TSHZ2: variants seen among roughly 807,000 people sequenced by gnomAD.
TSHZ2 encodes the protein teashirt zinc finger homeobox 2.
A neutral mutation model predicts 74.4 loss-of-function variants in TSHZ2; 21 were observed. That is an observed-to-expected ratio of 0.28 (90% CI 0.20 to 0.41). The LOEUF is 0.41. TSHZ2 is among the 10% of genes least tolerant of loss of function. The pLI is 1.00. For synonymous variants in TSHZ2, 540 were observed against 515.3 expected (o/e 1.05, Z -0.65); for missense variants, 1,244 against 1,293.5 (o/e 0.96, Z 0.59).
chr20:53,483,795 C>A (rs555252080), intron 2 of TSHZ2, among the ~76,000 whole-genome samples: 2 of 152,292 alleles, frequency 1.3e-5, no homozygotes, highest in East Asian at 3.9e-4. Context: ...TCATTATTTT[C>A]TTTCTCCTTA....
chr20:53,222,914 T>C (rs1989596673), intron 1 of TSHZ2, among the ~76,000 whole-genome samples: 1 of 152,224 alleles, frequency 6.6e-6, no homozygotes, highest in East Asian at 1.9e-4. Context: ...ACCCTTCATA[T>C]CTAGAGTTGC....
chr20:53,066,821 G>A (rs184169153), intron 1 of TSHZ2, among the ~76,000 whole-genome samples: 43 of 152,192 alleles, frequency 2.8e-4, no homozygotes, highest in Admixed American at 2.0e-3. Flanking sequence ...TAAATGCTAG[G>A]ATGTCTCCTT....
chr20:53,466,017 G>T (rs1246995874), intron 2 of TSHZ2, among the ~76,000 whole-genome samples: 1 of 150,542 alleles, frequency 6.6e-6, no homozygotes, highest in Non-Finnish European at 1.5e-5. Context: ...GGGGCCCAAG[G>T]CAGGTGAATC....
chr20:53,102,557 G>A (rs969247488), intron 1 of TSHZ2, among the ~76,000 whole-genome samples: 3 of 152,060 alleles, frequency 2.0e-5, no homozygotes, highest in East Asian at 3.9e-4. Flanking sequence ...AAAGAGTGAA[G>A]GGTGCAATTT....
intron 2 of TSHZ2, among the ~76,000 whole-genome samples, chr20:53,302,017 C>G (rs1978336020): frequency 6.6e-6 from 1 of 152,158 alleles, no homozygotes; most frequent in African/African-American, 2.4e-5. Context: ...GAGTGGTTAC[C>G]ATAGCGATTT....
At chr20:53,037,004 G>A (rs1482683497) in intron 1 of TSHZ2, among the ~76,000 whole-genome samples, 1 of 151,882 alleles carries the variant, frequency 6.6e-6, no homozygotes, top group Admixed American at 6.6e-5. Flanking sequence ...TGATAGTATT[G>A]TATTTAATTA....
chr20:53,210,394 C>G (rs1388046216), intron 1 of TSHZ2, among the ~76,000 whole-genome samples: 1 of 152,106 alleles, frequency 6.6e-6, no homozygotes, highest in Non-Finnish European at 1.5e-5. Context: ...GTGGAGGTGG[C>G]TCTCAGTGGG....
chr20:53,460,895 C>T (rs185549709), intron 2 of TSHZ2, among the ~76,000 whole-genome samples: 57 of 152,310 alleles, frequency 3.7e-4, no homozygotes, highest in African/African-American at 7.7e-4. Context: ...GCAATCTGCC[C>T]GTTCTCAGAT....
rs117196902 is a variant in TSHZ2, at chr20:52,990,644, G to A, written c.40+17311G>A. Among the ~76,000 whole-genome samples the A allele has an allele frequency of 7.9e-3, 1,207 of 152,200 alleles. 5 individuals are homozygous for A. Among genetic ancestry groups the A allele is most frequent in the Non-Finnish European group, 0.013 (914 of 68,012 alleles). ...CGGGTCAGGGAAGGAAGAGCCCCCC[G>A]GATTTTGTGTTACAAGATGAATTGT... On this transcript the variant is annotated intron_variant, in intron 1 of 2. Transcript: ENST00000371497.
At chr20:53,166,011 C>T (rs186248523) in intron 1 of TSHZ2, among the ~76,000 whole-genome samples, 48 of 152,240 alleles carry the variant, frequency 3.2e-4, no homozygotes, top group African/African-American at 1.0e-3. Context: ...TTAGTTGTCC[C>T]GTTCCCAAAT....
At chr20:53,206,857 A>C (rs1159251492) in intron 1 of TSHZ2, among the ~76,000 whole-genome samples, 1 of 152,152 alleles carries the variant, frequency 6.6e-6, no homozygotes, top group Non-Finnish European at 1.5e-5. Context: ...CCTTCCCTTG[A>C]TAAGGTTCAA....
chr20:53,461,963 G>A (rs1226431114), intron 2 of TSHZ2, among the ~76,000 whole-genome samples: 1 of 152,180 alleles, frequency 6.6e-6, no homozygotes, highest in Non-Finnish European at 1.5e-5. Flanking sequence ...CAGGAGCAGT[G>A]GCTCATGCCT....
chr20:53,255,679 G>A lies in TSHZ2; in HGVS notation c.2221G>A (p.Val741Ile), dbSNP rs1255104294. Residue 741 changes from valine to isoleucine, a missense_variant, in exon 2 of 3, where the codon GTC becomes ATC. By Grantham distance (29) the Val-to-Ile change is conservative. Coordinates refer to ENST00000371497, the MANE Select transcript of TSHZ2 (RefSeq NM_173485.6). The surrounding 1 kb of genome is among the most constrained non-coding windows in gnomAD (Gnocchi z 4.1). ...GAATCTCAATGTCATGGACAAGCCG[G>A]TCTTGAGTCCTGCCTCCACAAGGTC... ...KSNLNVMDKP[V>I]LSPASTRSAS... The A allele has an allele frequency of 6.3e-7, 1 of 1,587,896 alleles. No individual in the cohort carries two copies. Among genetic ancestry groups the A allele is most frequent in the Non-Finnish European group, 8.6e-7 (1 of 1,167,654 alleles).
rs562612572 is a variant in TSHZ2, at chr20:53,393,506, A to G, written c.*9-93638A>G. Among the ~76,000 whole-genome samples, 4 of 152,382 alleles carry G rather than the reference A, an allele frequency of 2.6e-5. No homozygotes were observed. The South Asian group carries it at 8.3e-4, about 32-fold the overall frequency. The stretch of plus-strand genomic sequence containing the variant: ...GGGAAGATTAAATGAAGTAATGCAC[A>G]TAAAACAGCCAGCAGAGTGTTTGTA... On this transcript the variant is annotated intron_variant, in intron 2 of 2. Coordinates refer to ENST00000371497, the MANE Select transcript of TSHZ2 (RefSeq NM_173485.6).
At chr20:53,015,035 C>G (rs997229421) in intron 1 of TSHZ2, among the ~76,000 whole-genome samples, 1 of 152,202 alleles carries the variant, frequency 6.6e-6, no homozygotes, top group South Asian at 2.1e-4. Context: ...TTGCCCCACA[C>G]TGCATGGTGG....
chr20:53,056,261 C>T (rs574965794), intron 1 of TSHZ2, among the ~76,000 whole-genome samples: 1 of 152,130 alleles, frequency 6.6e-6, no homozygotes, highest in Non-Finnish European at 1.5e-5. Context: ...CTTTTCAGTA[C>T]TACAGGGAAT....
intron 2 of TSHZ2, among the ~76,000 whole-genome samples, chr20:53,320,469 C>T (rs1016553565): frequency 6.6e-6 from 1 of 152,162 alleles, no homozygotes; most frequent in Non-Finnish European, 1.5e-5. Flanking sequence ...CTTAAATGAA[C>T]ACTTTGTAAA....
intron 1 of TSHZ2, among the ~76,000 whole-genome samples, chr20:53,140,260 G>A (rs1987354573): frequency 6.6e-6 from 1 of 151,982 alleles, no homozygotes; most frequent in African/African-American, 2.4e-5. Context: ...AGATAGAGGG[G>A]CCAGGCACGG....
At chr20:53,476,333 TG>T (rs968664264) in intron 2 of TSHZ2, among the ~76,000 whole-genome samples, 6 of 145,428 alleles carry the variant, frequency 4.1e-5, no homozygotes, top group African/African-American at 1.5e-4. Flanking sequence ...GCTTCATCCC[TG>T]GGATGCAAGG....
Sources: gnomAD v4.1 joint callset for allele counts (sites outside exome capture counted in the v4.1 genomes callset) on GRCh38, gnomAD v4.1.1 for gene constraint, Gnocchi (gnomAD v3.1) non-coding constraint, MANE v1.5 for transcripts, NCBI Gene and HGNC (gene_info 2026-07-23, HGNC 2026-07-21) for gene names.